GAS7: variants seen among roughly 807,000 people sequenced by gnomAD.
The protein encoded by GAS7 is growth arrest-specific protein 7.
A neutral mutation model predicts 71.1 loss-of-function variants in GAS7; 28 were observed. The observed-to-expected ratio is 0.39, with a 90% CI of 0.29 to 0.54. GAS7 has a LOEUF of 0.54. Among genes scored for constraint, GAS7 ranks in the 20% least tolerant of loss-of-function variants. The pLI is 0.62. For synonymous variants in GAS7, 258 were observed against 245.8 expected, an observed-to-expected ratio of 1.05 and a Z score of -0.46; for missense variants, 436 against 627.8, an observed-to-expected ratio of 0.69 and a Z score of 3.27.
At chr17:9,997,039 A>AG (rs1275417445) in intron 2 of GAS7, among the ~76,000 whole-genome samples, 1 of 152,146 alleles carries the variant, frequency 6.6e-6, no homozygotes, top group Non-Finnish European at 1.5e-5. Context: ...AGACAGACCA[A>AG]GGGGAAAAAG....
At chr17:10,167,540 G>C (rs914478752) in intron 1 of GAS7, among the ~76,000 whole-genome samples, 4 of 152,154 alleles carry the variant, frequency 2.6e-5, no homozygotes, top group Non-Finnish European at 4.4e-5. Context: ...TATCCCCTTC[G>C]TAAGATTTCA....
intron 2 of GAS7, among the ~76,000 whole-genome samples, chr17:10,009,597 G>T (rs79182583): frequency 0.095 from 14,322 of 150,270 alleles, 786 homozygotes; most frequent in African/African-American, 0.15. Flanking sequence ...CCAACATTTT[G>T]GGAGGCCAAG....
intron 5 of GAS7, among the ~76,000 whole-genome samples, chr17:9,957,867 G>A (rs2069312130): frequency 6.6e-6 from 1 of 152,166 alleles, no homozygotes; most frequent in Non-Finnish European, 1.5e-5. Context: ...ATGACACAAG[G>A]AACCCAAGCC....
chr17:9,937,671 G>A (rs915540564), intron 8 of GAS7, among the ~76,000 whole-genome samples: 1 of 152,230 alleles, frequency 6.6e-6, no homozygotes, highest in Non-Finnish European at 1.5e-5. Flanking sequence ...AGCCACATTT[G>A]GGTTGGCAAA....
chr17:10,065,680 A>G (rs1597768473), intron 1 of GAS7, among the ~76,000 whole-genome samples: 1 of 152,166 alleles, frequency 6.6e-6, no homozygotes, highest in East Asian at 1.9e-4. Flanking sequence ...ACCTGCAAAG[A>G]CTCTTTTCTA....
At chr17:9,961,933 G>T (rs553907281) in intron 4 of GAS7, among the ~76,000 whole-genome samples, 3 of 152,172 alleles carry the variant, frequency 2.0e-5, no homozygotes, top group South Asian at 2.1e-4. Flanking sequence ...AGGCAAAAAA[G>T]ATTTCCATCA....
At chr17:9,971,134 C>T (rs1163848577) in intron 3 of GAS7, among the ~76,000 whole-genome samples, 4 of 152,128 alleles carry the variant, frequency 2.6e-5, no homozygotes, top group African/African-American at 9.7e-5. Flanking sequence ...CGGTAGCTCA[C>T]GCCTATAATC....
At chr17:9,945,142 G>A (rs1242585403) in intron 6 of GAS7, among the ~76,000 whole-genome samples, 1 of 152,068 alleles carries the variant, frequency 6.6e-6, no homozygotes, top group Non-Finnish European at 1.5e-5. Flanking sequence ...CCCATTTCCA[G>A]GGCTCAAACC....
At chr17:10,047,638 C>A (rs139512039) in intron 1 of GAS7, among the ~76,000 whole-genome samples, 2,440 of 152,038 alleles carry the variant, frequency 0.016, 60 homozygotes, top group African/African-American at 0.055. Flanking sequence ...ATGTAAGAAG[C>A]TGTGATTTCT....
At chr17:10,058,969 G>A (rs903534342) in intron 1 of GAS7, among the ~76,000 whole-genome samples, 8 of 152,184 alleles carry the variant, frequency 5.3e-5, no homozygotes, top group Admixed American at 1.3e-4. Context: ...ACACGTCTCC[G>A]GCTTGCAAAA....
intron 3 of GAS7, among the ~76,000 whole-genome samples, chr17:9,979,384 C>T (rs1185377481): frequency 6.6e-6 from 1 of 152,144 alleles, no homozygotes; most frequent in Non-Finnish European, 1.5e-5. Flanking sequence ...CCTTCTCCAC[C>T]CATCTCCCCA....
Position 9,930,550 on chromosome 17 carries a change from T to C in GAS7, c.885+3616A>G, listed in dbSNP as rs78234690. 1.8e-4 allele frequency among the ~76,000 whole-genome samples: 27 copies of C among 152,340 alleles called. No homozygotes were observed. The East Asian group carries it at 4.6e-3, about 26-fold the overall frequency. ...TCCCTTCTTCAGCAGGAGCCAGGTA[T>C]AACTTTCTTTGTATACGGCTCTCTC... On this transcript the variant is annotated intron_variant, in intron 9 of 13. Transcript: ENST00000432992.
intron 4 of GAS7, among the ~76,000 whole-genome samples, chr17:9,963,954 G>C (rs1388416059): frequency 1.3e-5 from 2 of 152,048 alleles, no homozygotes; most frequent in Non-Finnish European, 2.9e-5. Context: ...AGGGGATTGG[G>C]GGAGGGGATG....
intron 3 of GAS7, among the ~76,000 whole-genome samples, chr17:9,971,398 A>T (rs1039344356): frequency 3.9e-5 from 6 of 151,918 alleles, no homozygotes; most frequent in Middle Eastern, 3.2e-3. Context: ...ATCTCTACAA[A>T]ATATATATAT....
intron 3 of GAS7, among the ~76,000 whole-genome samples, chr17:9,975,113 G>A (rs1231869254): frequency 6.6e-6 from 1 of 152,220 alleles, no homozygotes; most frequent in African/African-American, 2.4e-5. Context: ...CCAGCACTTT[G>A]GGAGGCTGAG....
intron 2 of GAS7, among the ~76,000 whole-genome samples, chr17:9,990,849 G>A (rs1407167334): frequency 2.0e-5 from 3 of 152,126 alleles, no homozygotes; most frequent in Admixed American, 6.5e-5. Flanking sequence ...GGGTGATTGT[G>A]GTATACTCTA....
At chr17:9,941,188 C>G (rs1401755743) in intron 7 of GAS7, among the ~76,000 whole-genome samples, 1 of 152,220 alleles carries the variant, frequency 6.6e-6, no homozygotes, top group Non-Finnish European at 1.5e-5. Flanking sequence ...CCTTCTTGCA[C>G]TGCTTTCCCC....
chr17:10,125,137 T>C (rs1003119824), intron 1 of GAS7, among the ~76,000 whole-genome samples: 16 of 151,678 alleles, frequency 1.1e-4, no homozygotes, highest in Admixed American at 1.1e-3. Flanking sequence ...ATTAATAGTT[T>C]ATCCAAATTG....
intron 1 of GAS7, among the ~76,000 whole-genome samples, chr17:10,041,916 T>G (rs1186869970): frequency 2.0e-5 from 3 of 152,188 alleles, no homozygotes; most frequent in Non-Finnish European, 1.5e-5. Context: ...TTTTTTCGTT[T>G]CAGTCAAGTT....
Sources: gnomAD v4.1 joint callset for allele counts (sites outside exome capture counted in the v4.1 genomes callset) on GRCh38, gnomAD v4.1.1 for gene constraint, MANE v1.5 for transcripts, NCBI Gene and HGNC (gene_info 2026-07-23, HGNC 2026-07-21) for gene names.